LCP2: variants seen among roughly 807,000 people sequenced by gnomAD.
The protein encoded by LCP2 is 76 kDa tyrosine phosphoprotein.
In LCP2, 29 loss-of-function variants were observed where a neutral mutation model predicts 74.5. That is an observed-to-expected ratio of 0.39 (90% CI 0.29 to 0.53). LCP2 has a LOEUF of 0.53. Ranked by LOEUF, LCP2 falls within the 20% of genes least tolerant of loss-of-function variation. LCP2 has a pLI of 0.72. For synonymous variants in LCP2, 228 were observed against 229.5 expected, an observed-to-expected ratio of 0.99 and a Z score of 0.06; for missense variants, 604 against 634.6, an observed-to-expected ratio of 0.95 and a Z score of 0.52.
In LCP2 at chr5:170,247,216, G is replaced by A. The variant is rs963564993; in HGVS notation, c.*1481C>T. On this transcript the variant is annotated 3_prime_UTR_variant, in exon 21 of 21. Transcript: ENST00000046794. ...GCTGAATAGCCCGTTGTGTAGACGT[G>A]TAAATGAATGCAGGGTTTTCAGCCT... 6 of 152,146 alleles carry A rather than the reference G, an allele frequency of 3.9e-5. No individual in the cohort carries two copies. The highest frequency in any genetic ancestry group is 1.4e-4 in the African/African-American group (6 of 41,418). 9.4% of individuals were successfully genotyped at this position (152,146 alleles called of 1,614,324 possible).
At chr5:170,249,485 G>T (rs1304253930) in intron 20 of LCP2, among the ~76,000 whole-genome samples, 1 of 151,554 alleles carries the variant, frequency 6.6e-6, no homozygotes, top group African/African-American at 2.4e-5. Context: ...CTTGCCTCGG[G>T]TTGCTCTGTT....
chr5:170,250,310 G>C (rs962127668), intron 20 of LCP2, among the ~76,000 whole-genome samples: 3 of 152,190 alleles, frequency 2.0e-5, no homozygotes, highest in Non-Finnish European at 4.4e-5. Flanking sequence ...ATTTTGTTAA[G>C]AAATGAGCCA....
At chr5:170,258,194 A>C in intron 15 of LCP2, 28 bp from the exon 16 acceptor site, 1 of 1,612,418 alleles carries the variant, frequency 6.2e-7, no homozygotes, top group Non-Finnish European at 8.5e-7. Context: ...ACAATGAATG[A>C]GATTGGCAGG....
At chr5:170,287,703 A>G (rs1762206862) in intron 3 of LCP2, 8 of 519,874 alleles carry the variant, frequency 1.5e-5, no homozygotes, top group Non-Finnish European at 2.4e-5. Flanking sequence ...GCACCCCATG[A>G]GAAGAGAGGA....
chr5:170,258,979 GTTTC>G lies in LCP2; in HGVS notation c.958-105_958-102del, dbSNP rs1761608465. ...AATCAAATAAATCAAATAGGTATCT[GTTTC>G]TTTCTCTGGCAGTTATACATCTTCA... is the stretch of plus-strand genomic sequence containing the variant. On this transcript the variant is annotated intron_variant, in intron 14 of 20. Coordinates refer to ENST00000046794, the MANE Select transcript of LCP2 (RefSeq NM_005565.5). The G allele has an allele frequency of 7.8e-6, 6 of 770,404 alleles. No homozygotes were observed. The East Asian group carries it at 8.1e-5, about 10-fold the overall frequency. 47.7% of individuals were successfully genotyped at this position (770,404 alleles called of 1,614,324 possible).
intron 2 of LCP2, among the ~76,000 whole-genome samples, chr5:170,289,891 C>T (rs1313901925): frequency 1.3e-5 from 2 of 151,716 alleles, no homozygotes; most frequent in Non-Finnish European, 2.9e-5. Context: ...GGGGTGGCGG[C>T]TGAGCACTGA....
chr5:170,263,825 A>G (rs141364784), intron 10 of LCP2, among the ~76,000 whole-genome samples: 61 of 152,344 alleles, frequency 4.0e-4, no homozygotes, highest in African/African-American at 1.4e-3. Flanking sequence ...TCATCTCAAA[A>G]TGAAGATTAT....
chr5:170,279,034 C>G (rs76694790), intron 3 of LCP2, among the ~76,000 whole-genome samples: 4 of 152,252 alleles, frequency 2.6e-5, no homozygotes, highest in African/African-American at 9.6e-5. Context: ...TACACCCTAC[C>G]CCCAGAGGAC....
intron 2 of LCP2, among the ~76,000 whole-genome samples, chr5:170,290,980 G>GA (rs1210035614): frequency 1.1e-5 from 1 of 90,010 alleles, no homozygotes; most frequent in African/African-American, 4.7e-5. Context: ...AAGAAAGAAA[G>GA]AAAGAAAGAA....
At chr5:170,263,848 T>C (rs575780768) in intron 10 of LCP2, among the ~76,000 whole-genome samples, 1 of 152,330 alleles carries the variant, frequency 6.6e-6, no homozygotes, top group Admixed American at 6.5e-5. Context: ...ACTAAAACTC[T>C]ATAGGTTTGC....
At chr5:170,295,324 G>C (rs1447477654) in intron 1 of LCP2, among the ~76,000 whole-genome samples, 2 of 152,352 alleles carry the variant, frequency 1.3e-5, no homozygotes, top group African/African-American at 4.8e-5. Flanking sequence ...CCCCAGCTAG[G>C]AGCCAGTTAA....
intron 3 of LCP2, among the ~76,000 whole-genome samples, chr5:170,277,309 A>G (rs1762023912): frequency 6.6e-6 from 1 of 151,930 alleles, no homozygotes; most frequent in Non-Finnish European, 1.5e-5. Context: ...CATGATCTCT[A>G]TTTCTTCTGC....
chr5:170,263,623 T>C (rs1469141125), intron 10 of LCP2, among the ~76,000 whole-genome samples: 1 of 152,224 alleles, frequency 6.6e-6, no homozygotes, highest in South Asian at 2.1e-4. Flanking sequence ...AAATGCCAGG[T>C]GTACTTGATA....
At chr5:170,280,891 C>G (rs1762088207) in intron 3 of LCP2, among the ~76,000 whole-genome samples, 1 of 152,144 alleles carries the variant, frequency 6.6e-6, no homozygotes. Context: ...GTAATCCCAG[C>G]TACTCGGGAG....
At chr5:170,265,937 C>A (rs904347842) in intron 10 of LCP2, among the ~76,000 whole-genome samples, 1 of 152,034 alleles carries the variant, frequency 6.6e-6, no homozygotes, top group South Asian at 2.1e-4. Context: ...GGAAAAGAGC[C>A]CCCACTTAGA....
chr5:170,273,316 C>T (rs886869240), intron 6 of LCP2, among the ~76,000 whole-genome samples: 31 of 152,200 alleles, frequency 2.0e-4, no homozygotes, highest in South Asian at 4.1e-4. Flanking sequence ...AACATTCCAG[C>T]GGAAACTCTG....
At chr5:170,283,050 C>T (rs1762130114) in intron 3 of LCP2, among the ~76,000 whole-genome samples, 1 of 152,186 alleles carries the variant, frequency 6.6e-6, no homozygotes, top group African/African-American at 2.4e-5. Context: ...ACATTTCTGC[C>T]AAGAGGGACA....
At chr5:170,251,565 C>A in intron 19 of LCP2, 1 of 448,354 alleles carries the variant, frequency 2.2e-6, no homozygotes, top group Middle Eastern at 3.3e-4. Context: ...TAAACTACTC[C>A]CTTCTCCTCA....
At chr5:170,272,034 T>C (rs1761904577) in intron 6 of LCP2, among the ~76,000 whole-genome samples, 1 of 152,230 alleles carries the variant, frequency 6.6e-6, no homozygotes. Flanking sequence ...GTCAGGGTTC[T>C]TATAACTTTA....
Sources: gnomAD v4.1 joint callset for allele counts (sites outside exome capture counted in the v4.1 genomes callset) on GRCh38, gnomAD v4.1.1 for gene constraint, MANE v1.5 for transcripts, NCBI Gene and HGNC (gene_info 2026-07-23, HGNC 2026-07-21) for gene names.